The following SLC9C2 variants were observed in gnomAD, a reference collection of about 807,000 sequenced individuals.
The protein encoded by SLC9C2 is solute carrier family 9 member C2 (putative).
Under a neutral mutation model 140.2 loss-of-function variants are expected in SLC9C2, and 75 were observed. The ratio of observed to expected loss-of-function variants is 0.53; its 90% CI spans 0.44 to 0.65. SLC9C2 has a LOEUF of 0.65. SLC9C2 is among the 30% of genes least tolerant of loss of function. The probability of loss-of-function intolerance (pLI) is 0.00; values close to 1 mark genes in which losing one functional copy is unlikely to be tolerated. For synonymous variants in SLC9C2, 375 were observed against 420.9 expected (o/e 0.89, Z 1.34); for missense variants, 1,074 against 1,331.8 (o/e 0.81, Z 3.01).
At chr1:173,517,161 TG>T (rs2101928923) in intron 23 of SLC9C2, among the ~76,000 whole-genome samples, 1 of 152,376 alleles carries the variant, frequency 6.6e-6, no homozygotes, top group Admixed American at 6.5e-5. Flanking sequence ...TTAATGGAGT[TG>T]TTTTAAAAAC....
intron 4 of SLC9C2, among the ~76,000 whole-genome samples, chr1:173,597,395 C>G (rs1666509424): frequency 6.6e-6 from 1 of 151,484 alleles, no homozygotes; most frequent in African/African-American, 2.4e-5. Context: ...CTAAAAAAAG[C>G]TAAAAATGAA....
chr1:173,594,714 C>T (rs1481996532), intron 4 of SLC9C2, among the ~76,000 whole-genome samples: 1 of 151,916 alleles, frequency 6.6e-6, no homozygotes, highest in African/African-American at 2.4e-5. Context: ...GAAGTTCCTG[C>T]CTTATTTGGA....
chr1:173,516,850 C>T (rs1558020527), intron 23 of SLC9C2, among the ~76,000 whole-genome samples: 1 of 152,170 alleles, frequency 6.6e-6, no homozygotes, highest in African/African-American at 2.4e-5. Flanking sequence ...ATTGCTGGGT[C>T]AATGGTACTT....
chr1:173,555,789 G>A (rs1051441381), intron 10 of SLC9C2, among the ~76,000 whole-genome samples: 1 of 152,170 alleles, frequency 6.6e-6, no homozygotes, highest in East Asian at 1.9e-4. Context: ...GAAAAAAAAT[G>A]TGGTGAGGAA....
At chr1:173,577,496 G>A (rs556953622) in intron 7 of SLC9C2, among the ~76,000 whole-genome samples, 1 of 152,138 alleles carries the variant, frequency 6.6e-6, no homozygotes, top group Non-Finnish European at 1.5e-5. Flanking sequence ...TGCAGTCTTA[G>A]GCTGCAGAGT....
chr1:173,573,080 C>T (rs1558079265), intron 9 of SLC9C2, 102 bp downstream of exon 9: 1 of 772,288 alleles, frequency 1.3e-6, no homozygotes, highest in East Asian at 3.0e-5. Context: ...TTTCCTGGCT[C>T]CATGTCCAGA....
At chr1:173,554,876 C>A in intron 10 of SLC9C2, 62 bp from the exon 11 acceptor site, 1 of 992,820 alleles carries the variant, frequency 1.0e-6, no homozygotes, top group Non-Finnish European at 1.6e-6. Context: ...CAAAAGCAAT[C>A]ATTGTTCAAT....
At chr1:173,517,270 C>T (rs1204880112) in intron 23 of SLC9C2, among the ~76,000 whole-genome samples, 1 of 152,164 alleles carries the variant, frequency 6.6e-6, no homozygotes, top group Non-Finnish European at 1.5e-5. Flanking sequence ...TCCTAATCCT[C>T]ATAACATCAA....
intron 9 of SLC9C2, among the ~76,000 whole-genome samples, chr1:173,569,773 G>A (rs1664725991): frequency 6.6e-6 from 1 of 152,068 alleles, no homozygotes; most frequent in Non-Finnish European, 1.5e-5. Context: ...AACACAGCAA[G>A]ACCCTGTCCC....
chr1:173,514,049 T>C (rs1660240396), intron 23 of SLC9C2, among the ~76,000 whole-genome samples: 1 of 152,264 alleles, frequency 6.6e-6, no homozygotes, highest in African/African-American at 2.4e-5. Context: ...TCAGTTCTTT[T>C]GCATTTGCCA....
intron 13 of SLC9C2, among the ~76,000 whole-genome samples, chr1:173,539,341 C>T (rs116731206): frequency 0.012 from 1,852 of 152,172 alleles, 46 homozygotes; most frequent in African/African-American, 0.042. Context: ...GAGATTATGA[C>T]GGCCTAAATT....
chr1:173,597,116 C>T (rs1179121661), intron 4 of SLC9C2, among the ~76,000 whole-genome samples: 2 of 151,418 alleles, frequency 1.3e-5, no homozygotes, highest in Non-Finnish European at 3.0e-5. Context: ...TTTTATAGCA[C>T]AACATTTAAA....
rs562265554 is a variant in SLC9C2, at chr1:173,514,861, C to T, written c.2907+2676G>A. Among the ~76,000 whole-genome samples the T allele has an allele frequency of 7.2e-5, 11 of 152,258 alleles. No individual in the cohort carries two copies. In the East Asian group the frequency reaches 1.9e-3, roughly 27 times the overall value. ...AGGCAGGCCTGGTGGTGACAAAATCCCTCAGCATTTGCTTGTCTGGAAAGA... is the reference window on the plus strand; with the variant it reads ...AGGCAGGCCTGGTGGTGACAAAATCTCTCAGCATTTGCTTGTCTGGAAAGA... On this transcript the variant is annotated intron_variant, in intron 23 of 27. Coordinates refer to ENST00000367714, the MANE Select transcript of SLC9C2 (RefSeq NM_178527.4).
At chr1:173,515,678 TC>T (rs1269636449) in intron 23 of SLC9C2, among the ~76,000 whole-genome samples, 1 of 152,212 alleles carries the variant, frequency 6.6e-6, no homozygotes, top group African/African-American at 2.4e-5. Flanking sequence ...ATCCATCTTG[TC>T]CTCCATCCAG....
rs1197268224 is a variant in SLC9C2, at chr1:173,533,722, T to C, written c.2050A>G (p.Ile684Val). 7 of 1,609,894 alleles carry C rather than the reference T, an allele frequency of 4.3e-6. No homozygotes were observed. The highest frequency in any genetic ancestry group is 5.9e-6 in the Non-Finnish European group (7 of 1,176,996). ...ACAAAGTATACACAAAAGATATCAA[T>C]GATTCCAATAACCAGGATAAAAAAT... is the stretch of plus-strand genomic sequence containing the variant. ...LEFFILVIGIIDIFCVYFVKL... is the reference protein window; with the variant it reads ...LEFFILVIGIVDIFCVYFVKL... Residue 684 changes from isoleucine (I) to valine (V), a missense_variant, in exon 17 of 28, where the codon ATT (isoleucine) becomes GTT (valine). Physicochemically the swap from Ile to Val is conservative, Grantham distance 29 (BLOSUM62 3). Transcript: ENST00000367714.
At chr1:173,560,678 C>T (rs571565104) in intron 9 of SLC9C2, among the ~76,000 whole-genome samples, 2 of 152,222 alleles carry the variant, frequency 1.3e-5, no homozygotes, top group African/African-American at 4.8e-5. Flanking sequence ...GGAAACCCAA[C>T]CTATGACTCC....
chr1:173,514,018 G>C (rs1424164749), intron 23 of SLC9C2, among the ~76,000 whole-genome samples: 1 of 152,220 alleles, frequency 6.6e-6, no homozygotes, highest in Non-Finnish European at 1.5e-5. Context: ...ACTGTGGTCT[G>C]AGAGACAGTT....
At chr1:173,524,209 T>C (rs16846113) in intron 20 of SLC9C2, 115 bp from the exon 21 acceptor site, 219,380 of 963,798 alleles carry the variant, frequency 0.23, 30,724 homozygotes, top group East Asian at 0.65. Context: ...ACCTTGATTG[T>C]TGACTCACAG....
chr1:173,536,245 C>A (rs575991466), intron 14 of SLC9C2, among the ~76,000 whole-genome samples: 45 of 152,268 alleles, frequency 3.0e-4, no homozygotes, highest in African/African-American at 1.1e-3. Flanking sequence ...CTGGCCCAAC[C>A]CTCTCCAAGG....
Sources: gnomAD v4.1 joint callset for allele counts (sites outside exome capture counted in the v4.1 genomes callset) on GRCh38, gnomAD v4.1.1 for gene constraint, MANE v1.5 for transcripts, NCBI Gene and HGNC (gene_info 2026-07-23, HGNC 2026-07-21) for gene names.